The following RYR2 variants were observed in gnomAD, a reference collection of about 807,000 sequenced individuals.
RYR2 encodes ryanodine receptor 2, also known as cardiac muscle ryanodine receptor-calcium release channel.
RYR2 carries 227 observed loss-of-function variants against 601.1 expected under a neutral mutation model. The ratio of observed to expected loss-of-function variants is 0.38; its 90% CI spans 0.34 to 0.42. The LOEUF (loss-of-function observed/expected upper bound fraction) is 0.42. Among genes scored for constraint, RYR2 ranks in the 10% least tolerant of loss-of-function variants. RYR2 has a pLI of 1.00. For missense variants in RYR2, 4,646 were observed against 6,156.5 expected, an observed-to-expected ratio of 0.75 and a Z score of 8.21; for synonymous variants, 2,223 against 2,175.1, an observed-to-expected ratio of 1.02 and a Z score of -0.61.
chr1:237,204,092 C>G (rs534365700), intron 1 of RYR2, among the ~76,000 whole-genome samples: 1 of 152,200 alleles, frequency 6.6e-6, no homozygotes, highest in Non-Finnish European at 1.5e-5. Context: ...CGCACTGCAA[C>G]CTTCTCCTCC....
intron 84 of RYR2, among the ~76,000 whole-genome samples, chr1:237,766,747 C>T (rs1573866374): frequency 6.6e-6 from 1 of 152,106 alleles, no homozygotes; most frequent in Non-Finnish European, 1.5e-5. Flanking sequence ...TTTTTTTCCG[C>T]TCCAGCTAGT....
chr1:237,452,175 TG>T (rs1373040823), intron 14 of RYR2, among the ~76,000 whole-genome samples: 1 of 148,866 alleles, frequency 6.7e-6, no homozygotes, highest in Non-Finnish European at 1.5e-5. Flanking sequence ...TGTGTATACG[TG>T]GAAGTGTTTA....
intron 46 of RYR2, among the ~76,000 whole-genome samples, chr1:237,639,518 G>A (rs562663083): frequency 6.6e-6 from 1 of 152,274 alleles, no homozygotes; most frequent in Admixed American, 6.5e-5. Flanking sequence ...GAACCTTTGG[G>A]GTTAGACTGG....
Position 237,639,333 on chromosome 1 carries a change from G to A in RYR2, c.7115+132G>A, listed in dbSNP as rs199973442. ...AGATTTCTCCCTTTGAAAATATAAT[G>A]TCTTAGATTTGGAAGAATGAATGGA... On this transcript the variant is annotated intron_variant, in intron 46 of 104. Coordinates refer to ENST00000366574, the MANE Select transcript of RYR2 (RefSeq NM_001035.3). The A allele has an allele frequency of 7.1e-5, 64 of 899,648 alleles. No individual in the cohort carries two copies. In the East Asian group the frequency reaches 1.6e-3, roughly 22 times the overall value. 55.7% of individuals were successfully genotyped at this position (899,648 alleles called of 1,614,324 possible). A position where few individuals can be genotyped will look rare whatever the true frequency, so the allele number is the denominator to read the frequency against.
chr1:237,165,071 CTTCAGCCTCCTAA>C (rs952555281), intron 1 of RYR2, among the ~76,000 whole-genome samples: 1 of 151,780 alleles, frequency 6.6e-6, no homozygotes, highest in African/African-American at 2.4e-5. Flanking sequence ...ACTCCTCCTG[CTTCAGCCTCCTAA>C]GTAGCTGGGA....
At chr1:237,262,245 G>GTTGTTTTTTTTTTTTT (rs1688599609) in intron 1 of RYR2, among the ~76,000 whole-genome samples, 4 of 61,106 alleles carry the variant, frequency 6.5e-5, no homozygotes, top group Admixed American at 3.0e-4. Context: ...GTTCTAAAGA[G>GTTGTTTTTTTTTTTTT]TTTTTTTTTT....
At chr1:237,827,625 C>A (rs551746148) in intron 101 of RYR2, among the ~76,000 whole-genome samples, 67 of 66,606 alleles carry the variant, frequency 1.0e-3, no homozygotes, top group African/African-American at 4.8e-3. Context: ...GCAAGACTGT[C>A]TCAAAAAAAA....
intron 1 of RYR2, among the ~76,000 whole-genome samples, chr1:237,230,731 C>T (rs1261817758): frequency 2.0e-5 from 3 of 152,016 alleles, no homozygotes; most frequent in African/African-American, 7.2e-5. Flanking sequence ...CCAGCCTGGC[C>T]AACATGGCAA....
intron 1 of RYR2, among the ~76,000 whole-genome samples, chr1:237,254,311 C>T (rs1186968059): frequency 6.6e-6 from 1 of 152,170 alleles, no homozygotes; most frequent in Non-Finnish European, 1.5e-5. Context: ...AGAACCATGT[C>T]TTCAAAATCA....
rs1041254816 is a variant in RYR2 at position 237,353,212 on chromosome 1, A to T, written c.274-2753A>T. ...GAAAGAAGCAAGCAAACTTTTTTTAAAAAAGTTTATGGAATAGTTCATGTT... is the reference window on the plus strand; with the variant it reads ...GAAAGAAGCAAGCAAACTTTTTTTATAAAAGTTTATGGAATAGTTCATGTT... On this transcript the variant is annotated intron_variant, in intron 3 of 104. Coordinates refer to ENST00000366574, the MANE Select transcript of RYR2 (RefSeq NM_001035.3). Among the ~76,000 whole-genome samples, 11 of 152,176 alleles carry T rather than the reference A, an allele frequency of 7.2e-5. No homozygotes were observed. The East Asian group carries it at 1.9e-3, about 27-fold the overall frequency.
intron 5 of RYR2, among the ~76,000 whole-genome samples, chr1:237,368,803 A>G (rs114337474): frequency 0.088 from 12,210 of 137,974 alleles, 517 homozygotes; most frequent in African/African-American, 0.099. Context: ...ATCAACGTTT[A>G]TTTATTTATT....
chr1:237,506,833 T>A lies in RYR2; in HGVS notation c.2718+19T>A. On this transcript the variant is annotated intron_variant, in intron 23 of 104. Transcript: ENST00000366574. ...TGGTCCGGTATGTAATTTTGAAATTTATTTTCAGATTCTGTGAATACATCT... is the reference window on the plus strand; with the variant it reads ...TGGTCCGGTATGTAATTTTGAAATTAATTTTCAGATTCTGTGAATACATCT... 6.3e-7 allele frequency: 1 copy of A among 1,590,576 alleles called. No individual in the cohort carries two copies. Among genetic ancestry groups the A allele is most frequent in the Non-Finnish European group, 8.6e-7 (1 of 1,159,510 alleles).
chr1:237,079,818 C>A (rs1218793473), intron 1 of RYR2, among the ~76,000 whole-genome samples: 6 of 138,528 alleles, frequency 4.3e-5, no homozygotes, highest in African/African-American at 2.0e-4. Context: ...CCCGCATTGC[C>A]AAGTCAATCC....
In RYR2 at chr1:237,113,255, G is replaced by A. The variant is rs187809862; in HGVS notation, c.48+70686G>A. Among the ~76,000 whole-genome samples, 331 of 152,072 alleles carry A rather than the reference G, an allele frequency of 2.2e-3. 3 individuals carry two copies. The highest frequency in any genetic ancestry group is 7.8e-3 in the African/African-American group (322 of 41,496). ...ACTCTGTCGCCCAGACTGGGGTGCA[G>A]TGGCATGATCTCGGCTCACTGTAAC... On this transcript the variant is annotated intron_variant, in intron 1 of 104. Coordinates refer to ENST00000366574, the MANE Select transcript of RYR2 (RefSeq NM_001035.3).
intron 12 of RYR2, among the ~76,000 whole-genome samples, chr1:237,430,841 C>T (rs990528149): frequency 6.6e-6 from 1 of 152,190 alleles, no homozygotes; most frequent in African/African-American, 2.4e-5. Context: ...GAATATCCCT[C>T]CTAATATTCT....
At chr1:237,156,842 A>G (rs1675397356) in intron 1 of RYR2, among the ~76,000 whole-genome samples, 1 of 152,194 alleles carries the variant, frequency 6.6e-6, no homozygotes, top group Admixed American at 6.5e-5. Context: ...ATTAAATGGA[A>G]ATACACCCCA....
rs377147105 is a variant in RYR2 at position 237,122,260 on chromosome 1, A to C, written c.48+79691A>C. Among the ~76,000 whole-genome samples, 105 of 152,362 alleles carry C rather than the reference A, an allele frequency of 6.9e-4. 1 individual carries two copies. The highest frequency in any genetic ancestry group is 2.4e-3 in the African/African-American group (99 of 41,586). Reference sequence around the variant, plus strand: ...GTCCCTCCACATCGACCGCTTGCTGATTTGAAGTGAAAAGAGGGTTCCTCA... The same window carrying C: ...GTCCCTCCACATCGACCGCTTGCTGCTTTGAAGTGAAAAGAGGGTTCCTCA... On this transcript the variant is annotated intron_variant, in intron 1 of 104. Transcript: ENST00000366574.
chr1:237,583,847 A>G lies in RYR2; in HGVS notation c.3599-5946A>G, dbSNP rs191132402. ...CCTTGGCTGGATTTGCATGCTCATC[A>G]CCCTCCCCTCTGCTCTGGAGCAGGG... On this transcript the variant is annotated intron_variant, in intron 29 of 104. Coordinates refer to ENST00000366574, the MANE Select transcript of RYR2 (RefSeq NM_001035.3). Among the ~76,000 whole-genome samples the G allele has an allele frequency of 2.3e-3, 349 of 152,046 alleles. 1 individual carries two copies. Among genetic ancestry groups the G allele is most frequent in the Middle Eastern group, 0.01 (3 of 294 alleles).
At chr1:237,400,375 G>A (rs1344412239) in intron 10 of RYR2, among the ~76,000 whole-genome samples, 2 of 152,136 alleles carry the variant, frequency 1.3e-5, no homozygotes, top group Admixed American at 1.3e-4. Flanking sequence ...AGGTCAGAAG[G>A]GAATGACTGT....
Sources: allele counts gnomAD v4.1 joint callset (sites outside exome capture counted in the v4.1 genomes callset), GRCh38; gene constraint gnomAD v4.1.1; transcripts MANE v1.5; gene names NCBI Gene and HGNC (gene_info 2026-07-23, HGNC 2026-07-21).